The following AOPEP variants were observed in gnomAD, a reference collection of about 807,000 sequenced individuals.
The protein encoded by AOPEP is aminopeptidase O (putative).
Under a neutral mutation model 98.1 loss-of-function variants are expected in AOPEP, and 77 were observed. That is an observed-to-expected ratio of 0.78 (90% CI 0.65 to 0.95). The LOEUF (loss-of-function observed/expected upper bound fraction) is 0.95, where lower values mean the gene tolerates loss of function less well. Among genes scored for constraint, AOPEP ranks in the 40% least tolerant of loss-of-function variants. The pLI, the probability that AOPEP is intolerant of heterozygous loss-of-function variation, is 0.00. For missense variants in AOPEP, 1,024 were observed against 1,024.7 expected, an observed-to-expected ratio of 1.00 and a Z score of 0.01; for synonymous variants, 346 against 365.3, an observed-to-expected ratio of 0.95 and a Z score of 0.60.
At chr9:94,926,800 C>T (rs113551296) in intron 6 of AOPEP, among the ~76,000 whole-genome samples, 234 of 128,270 alleles carry the variant, frequency 1.8e-3, no homozygotes, top group South Asian at 0.012. Context: ...ATGGTGGGGC[C>T]GGGGGTGGGT....
At chr9:95,027,003 T>TG (rs2063894133) in intron 13 of AOPEP, among the ~76,000 whole-genome samples, 1 of 152,212 alleles carries the variant, frequency 6.6e-6, no homozygotes, top group Admixed American at 6.5e-5. Context: ...GGCTCACGCT[T>TG]GTAATCCCAG....
intron 5 of AOPEP, among the ~76,000 whole-genome samples, chr9:94,812,877 A>G (rs921533210): frequency 5.3e-5 from 8 of 152,090 alleles, no homozygotes; most frequent in African/African-American, 1.9e-4. Flanking sequence ...GTGTAGACCT[A>G]AAAGGAAGAA....
chr9:95,105,206 T>C, the AOPEP span, among the ~76,000 whole-genome samples: 1 of 152,222 alleles, frequency 6.6e-6, no homozygotes, highest in South Asian at 2.1e-4. Context: ...AGGACTGTCC[T>C]ACCAGGATGG....
intron 5 of AOPEP, among the ~76,000 whole-genome samples, chr9:94,886,889 A>G (rs1390949910): frequency 6.6e-6 from 1 of 152,240 alleles, no homozygotes; most frequent in Non-Finnish European, 1.5e-5. Context: ...AAATACAGTT[A>G]TATATGGGTT....
intron 13 of AOPEP, among the ~76,000 whole-genome samples, chr9:95,057,205 G>A (rs539522498): frequency 2.0e-5 from 3 of 152,300 alleles, no homozygotes; most frequent in South Asian, 2.1e-4. Flanking sequence ...TCTGTGGTAC[G>A]ACCAAAGCCT....
intron 5 of AOPEP, among the ~76,000 whole-genome samples, chr9:94,919,016 A>C (rs188711669): frequency 1.3e-5 from 2 of 151,976 alleles, no homozygotes; most frequent in Admixed American, 1.3e-4. Context: ...CCCAGGTTCA[A>C]GCCATTCTCT....
At chr9:94,769,667 C>T (rs1441586523) in intron 2 of AOPEP, among the ~76,000 whole-genome samples, 2 of 152,158 alleles carry the variant, frequency 1.3e-5, no homozygotes, top group East Asian at 1.9e-4. Context: ...AAATGTTAGA[C>T]TTTAGCAGAA....
chr9:94,809,374 T>G (rs1429374548), intron 5 of AOPEP, among the ~76,000 whole-genome samples: 1 of 152,230 alleles, frequency 6.6e-6, no homozygotes, highest in Non-Finnish European at 1.5e-5. Flanking sequence ...CCAACTGTTG[T>G]GTCGAGGGAG....
intron 7 of AOPEP, among the ~76,000 whole-genome samples, chr9:94,939,178 G>A (rs1424091262): frequency 6.6e-6 from 1 of 151,722 alleles, no homozygotes; most frequent in African/African-American, 2.4e-5. Context: ...AACCTGGGAG[G>A]TGGAGGTTGC....
downstream of AOPEP, among the ~76,000 whole-genome samples, chr9:95,090,452 G>C (rs1490312422): frequency 6.6e-6 from 1 of 152,214 alleles, no homozygotes; most frequent in South Asian, 2.1e-4. Context: ...CTGAACACAG[G>C]CTGCGCCAAC....
chr9:95,089,993 T>C (rs2070843944), downstream of AOPEP, among the ~76,000 whole-genome samples: 1 of 152,184 alleles, frequency 6.6e-6, no homozygotes, highest in African/African-American at 2.4e-5. Flanking sequence ...AAGAAACACC[T>C]GCTCACAAGG....
chr9:94,933,704 C>T lies in AOPEP; in HGVS notation c.1661+5173C>T, dbSNP rs941591174. On this transcript the variant is annotated intron_variant, in intron 7 of 16. Coordinates refer to ENST00000375315, the MANE Select transcript of AOPEP (RefSeq NM_001193329.3). ...GTGAATTTGTATGATGCCTACTGTA[C>T]ATTCCACTTAAAATAGGAAGCCTTT... The T allele has an allele frequency of 6.1e-6, 6 of 977,428 alleles. No homozygotes were observed. The African/African-American group carries it at 8.8e-5, about 14-fold the overall frequency. 60.5% of individuals were successfully genotyped at this position (977,428 alleles called of 1,614,324 possible).
chr9:95,093,735 C>T, the AOPEP span, among the ~76,000 whole-genome samples: 3 of 152,098 alleles, frequency 2.0e-5, no homozygotes, highest in Non-Finnish European at 4.4e-5. Flanking sequence ...AGTGTTCACA[C>T]GGGTCTAGAT....
chr9:94,814,989 G>C (rs912616176), intron 5 of AOPEP, among the ~76,000 whole-genome samples: 7 of 152,194 alleles, frequency 4.6e-5, no homozygotes, highest in Non-Finnish European at 1.0e-4. Flanking sequence ...GGTTTGAGAG[G>C]ATACTGACGC....
At chr9:94,819,946 CT>C (rs11423201) in intron 5 of AOPEP, among the ~76,000 whole-genome samples, 32 of 121,564 alleles carry the variant, frequency 2.6e-4, no homozygotes, top group Middle Eastern at 5.2e-3. Flanking sequence ...TAGTGCAATT[CT>C]TTTTTTTTTT....
intron 13 of AOPEP, among the ~76,000 whole-genome samples, chr9:95,030,957 A>C (rs1168449975): frequency 1.3e-5 from 2 of 152,198 alleles, no homozygotes. Context: ...CCTCACTTCA[A>C]AGTAGCATAA....
chr9:95,069,025 T>C (rs1331829476), intron 14 of AOPEP, among the ~76,000 whole-genome samples: 1 of 151,474 alleles, frequency 6.6e-6, no homozygotes, highest in Non-Finnish European at 1.5e-5. Context: ...ATGCACCCTT[T>C]CGTGGCTTTT....
intron 7 of AOPEP, among the ~76,000 whole-genome samples, chr9:94,952,842 A>C (rs575152980): frequency 4.6e-5 from 7 of 152,378 alleles, no homozygotes; most frequent in African/African-American, 1.4e-4. Flanking sequence ...GTCAGCAGGA[A>C]GAATTTTCTT....
the AOPEP span, among the ~76,000 whole-genome samples, chr9:95,133,702 T>C: frequency 1.3e-5 from 2 of 152,114 alleles, no homozygotes; most frequent in Non-Finnish European, 2.9e-5. Flanking sequence ...TTAAGGAAAA[T>C]GTCATAAGCA....
Sources: gnomAD v4.1 joint callset for allele counts (sites outside exome capture counted in the v4.1 genomes callset) on GRCh38, gnomAD v4.1.1 for gene constraint, MANE v1.5 for transcripts, NCBI Gene and HGNC (gene_info 2026-07-23, HGNC 2026-07-21) for gene names.